Variants in NKAIN2 observed in about 807,000 individuals in gnomAD.
NKAIN2 encodes the protein sodium/potassium-transporting ATPase subunit beta-1-interacting protein 2.
In NKAIN2, 14 loss-of-function variants were observed where a neutral mutation model predicts 32.6. That is an observed-to-expected ratio of 0.43 (90% confidence interval 0.28 to 0.67). NKAIN2 has a LOEUF of 0.67. NKAIN2 is among the 30% of genes least tolerant of loss of function. NKAIN2 has a pLI of 0.17. For synonymous variants in NKAIN2, 80 were observed against 87.2 expected, an observed-to-expected ratio of 0.92 and a Z score of 0.46; for missense variants, 198 against 258.3, an observed-to-expected ratio of 0.77 and a Z score of 1.60.
intron 3 of NKAIN2, among the ~76,000 whole-genome samples, chr6:124,648,508 A>T (rs1338050844): frequency 1.3e-5 from 2 of 152,182 alleles, no homozygotes; most frequent in Non-Finnish European, 2.9e-5. Context: ...TAGGAACATT[A>T]AGGTCATGTT....
intron 2 of NKAIN2, among the ~76,000 whole-genome samples, chr6:124,345,778 A>G (rs1355571026): frequency 1.3e-5 from 2 of 152,006 alleles, no homozygotes; most frequent in African/African-American, 4.8e-5. Flanking sequence ...ATCCTTTCAA[A>G]AAACCAGCTC....
chr6:124,631,943 G>A (rs868327298), intron 3 of NKAIN2, among the ~76,000 whole-genome samples: 3 of 152,154 alleles, frequency 2.0e-5, no homozygotes, highest in African/African-American at 7.2e-5. Context: ...TTAAGTAAGT[G>A]TATGAGATTT....
intron 3 of NKAIN2, among the ~76,000 whole-genome samples, chr6:124,367,869 A>C (rs1167680232): frequency 6.6e-6 from 1 of 152,142 alleles, no homozygotes; most frequent in African/African-American, 2.4e-5. Context: ...ACTTAATAGG[A>C]AATAATTCTT....
chr6:123,914,241 C>T (rs953150319), intron 1 of NKAIN2, among the ~76,000 whole-genome samples: 2 of 150,838 alleles, frequency 1.3e-5, no homozygotes, highest in African/African-American at 4.9e-5. Context: ...GACAGACAGA[C>T]AGAGAGACAG....
At chr6:124,224,538 T>A (rs556224675) in intron 1 of NKAIN2, among the ~76,000 whole-genome samples, 1 of 152,178 alleles carries the variant, frequency 6.6e-6, no homozygotes, top group South Asian at 2.1e-4. Context: ...CATCATCTAC[T>A]TGGGAAATAC....
chr6:124,788,627 C>A (rs927168088), intron 4 of NKAIN2, among the ~76,000 whole-genome samples: 5 of 152,010 alleles, frequency 3.3e-5, no homozygotes, highest in African/African-American at 7.2e-5. Context: ...ACCATCAGAT[C>A]TTTTGAGAAC....
chr6:123,925,429 T>C (rs1775964119), intron 1 of NKAIN2, among the ~76,000 whole-genome samples: 1 of 152,226 alleles, frequency 6.6e-6, no homozygotes, highest in South Asian at 2.1e-4. Flanking sequence ...TGCACTTGCC[T>C]CCTGGGTATC....
At chr6:124,808,390 C>T (rs1582560576) in intron 5 of NKAIN2, among the ~76,000 whole-genome samples, 1 of 152,142 alleles carries the variant, frequency 6.6e-6, no homozygotes, top group African/African-American at 2.4e-5. Context: ...AACCACATGA[C>T]TATCTTAATA....
chr6:123,818,264 T>C (rs1472330233), intron 1 of NKAIN2, among the ~76,000 whole-genome samples: 1 of 151,972 alleles, frequency 6.6e-6, no homozygotes, highest in Non-Finnish European at 1.5e-5. Flanking sequence ...TTTAATTCAA[T>C]AAAATATGTG....
intron 1 of NKAIN2, among the ~76,000 whole-genome samples, chr6:123,818,354 AACAC>A (rs36066775): frequency 0.19 from 27,254 of 144,288 alleles, 2,684 homozygotes; most frequent in Admixed American, 0.26. Context: ...TTCTTGTGGA[AACAC>A]ACACACACAC....
chr6:124,597,600 C>G (rs1782142386), intron 3 of NKAIN2, among the ~76,000 whole-genome samples: 1 of 152,024 alleles, frequency 6.6e-6, no homozygotes, highest in Admixed American at 6.6e-5. Context: ...TTGGGAATAG[C>G]AACCAGTAAA....
chr6:123,917,638 A>G (rs1199856944), intron 1 of NKAIN2, among the ~76,000 whole-genome samples: 2 of 151,952 alleles, frequency 1.3e-5, no homozygotes, highest in Non-Finnish European at 1.5e-5. Context: ...TTCCGCTTGT[A>G]TTCCTTTTCT....
At chr6:124,285,912 A>G (rs1394658494) in intron 2 of NKAIN2, among the ~76,000 whole-genome samples, 1 of 152,192 alleles carries the variant, frequency 6.6e-6, no homozygotes, top group Non-Finnish European at 1.5e-5. Context: ...CATAAGGAAA[A>G]TATATTTATT....
At chr6:124,696,454 G>A (rs529493591) in intron 4 of NKAIN2, among the ~76,000 whole-genome samples, 7 of 152,148 alleles carry the variant, frequency 4.6e-5, no homozygotes, top group South Asian at 2.1e-4. Flanking sequence ...TCTCCCTGCC[G>A]CAAGCCACCT....
chr6:124,402,974 T>A (rs1271033850), intron 3 of NKAIN2, among the ~76,000 whole-genome samples: 1 of 152,156 alleles, frequency 6.6e-6, no homozygotes, highest in Non-Finnish European at 1.5e-5. Flanking sequence ...AAAAAATTAT[T>A]TCTCAAGAGC....
chr6:123,965,503 C>A (rs755166602), intron 1 of NKAIN2, among the ~76,000 whole-genome samples: 1 of 152,106 alleles, frequency 6.6e-6, no homozygotes, highest in Non-Finnish European at 1.5e-5. Flanking sequence ...CACTCACAGT[C>A]CTTATTAGAG....
chr6:124,586,352 C>G (rs574808319), intron 3 of NKAIN2, among the ~76,000 whole-genome samples: 13 of 152,190 alleles, frequency 8.5e-5, no homozygotes, highest in African/African-American at 3.1e-4. Context: ...GAACAGAAAA[C>G]CAAGTGCTGC....
intron 3 of NKAIN2, among the ~76,000 whole-genome samples, chr6:124,497,883 A>T (rs1293791900): frequency 6.6e-6 from 1 of 151,798 alleles, no homozygotes; most frequent in Non-Finnish European, 1.5e-5. Flanking sequence ...TCTCCAGAAA[A>T]AGATTCAAAA....
At chr6:124,165,005 C>G (rs571111811) in intron 1 of NKAIN2, among the ~76,000 whole-genome samples, 36 of 152,026 alleles carry the variant, frequency 2.4e-4, no homozygotes, top group African/African-American at 8.4e-4. Flanking sequence ...TCTAGACAAT[C>G]TTGTAGGGTT....
Sources: allele counts gnomAD v4.1 joint callset (sites outside exome capture counted in the v4.1 genomes callset), GRCh38; gene constraint gnomAD v4.1.1; transcripts MANE v1.5; gene names NCBI Gene and HGNC (gene_info 2026-07-23, HGNC 2026-07-21).